Variants in BNC2 observed in about 807,000 individuals in gnomAD.
BNC2 encodes basonuclin zinc finger protein 2.
In BNC2, 20 loss-of-function variants were observed where a neutral mutation model predicts 76.3. The ratio of observed to expected loss-of-function variants is 0.26; its 90% CI spans 0.18 to 0.38. The LOEUF is 0.38. Ranked by LOEUF, BNC2 falls within the 10% of genes least tolerant of loss-of-function variation. The pLI, the probability that BNC2 is intolerant of heterozygous loss-of-function variation, is 1.00. For missense variants in BNC2, 1,382 were observed against 1,399.8 expected (o/e 0.99, Z 0.20); for synonymous variants, 582 against 514.8 (o/e 1.13, Z -1.77).
chr9:16,797,439 CA>C (rs1397312207), intron 1 of BNC2, among the ~76,000 whole-genome samples: 1 of 152,160 alleles, frequency 6.6e-6, no homozygotes, highest in Non-Finnish European at 1.5e-5. Flanking sequence ...CATCACTAAA[CA>C]ATCATGCCAG....
intron 4 of BNC2, among the ~76,000 whole-genome samples, chr9:16,564,058 G>A (rs376269826): frequency 5.9e-5 from 9 of 152,210 alleles, no homozygotes; most frequent in African/African-American, 2.2e-4. Flanking sequence ...AATGTTATTT[G>A]GGGGAAAAGG....
chr9:16,430,094 G>T (rs553674598), intron 6 of BNC2: 6 of 453,842 alleles, frequency 1.3e-5, no homozygotes, highest in South Asian at 7.8e-5. Flanking sequence ...ACTCAGGAGG[G>T]GGATGTATTT....
intron 1 of BNC2, among the ~76,000 whole-genome samples, chr9:16,854,063 C>G (rs972530720): frequency 1.3e-5 from 2 of 152,188 alleles, no homozygotes; most frequent in Non-Finnish European, 2.9e-5. Context: ...AGGCTGCTCC[C>G]TGGACCACCA....
At chr9:16,428,456 G>A (rs897298789) in intron 6 of BNC2, among the ~76,000 whole-genome samples, 2 of 152,192 alleles carry the variant, frequency 1.3e-5, no homozygotes, top group Non-Finnish European at 2.9e-5. Flanking sequence ...TTTCCGAGAT[G>A]TAGATGTCTA....
Position 16,456,777 on chromosome 9 carries a change from G to T in BNC2, c.670-19253C>A, listed in dbSNP as rs573880205. Among the ~76,000 whole-genome samples, 7 of 152,274 alleles carry T rather than the reference G, an allele frequency of 4.6e-5. 1 individual carries two copies. Among genetic ancestry groups the T allele is most frequent in the Admixed American group, 4.6e-4 (7 of 15,296 alleles). On this transcript the variant is annotated intron_variant, in intron 5 of 6. Coordinates refer to ENST00000380672, the MANE Select transcript of BNC2 (RefSeq NM_017637.6). ...ATTATCTGTCGGTAGGGTAGGGAAA[G>T]ACATATTCTAGATAAATATCCAAGA...
intron 3 of BNC2, among the ~76,000 whole-genome samples, chr9:16,717,927 CTG>C (rs1218844443): frequency 6.6e-6 from 1 of 152,150 alleles, no homozygotes; most frequent in Non-Finnish European, 1.5e-5. Flanking sequence ...TTTAAAATAA[CTG>C]TTTACACAAG....
intron 4 of BNC2, among the ~76,000 whole-genome samples, chr9:16,560,067 G>T (rs1818962753): frequency 1.3e-5 from 2 of 152,226 alleles, no homozygotes; most frequent in African/African-American, 4.8e-5. Flanking sequence ...CTCACTCATT[G>T]TGTGCATCAG....
chr9:16,721,976 A>G (rs530640663), intron 3 of BNC2, among the ~76,000 whole-genome samples: 36 of 152,210 alleles, frequency 2.4e-4, no homozygotes, highest in Non-Finnish European at 4.6e-4. Context: ...CAGAATCATT[A>G]GCTATTCACG....
intron 3 of BNC2, among the ~76,000 whole-genome samples, chr9:16,669,075 C>T (rs1016136811): frequency 3.3e-5 from 5 of 152,096 alleles, no homozygotes; most frequent in Non-Finnish European, 5.9e-5. Flanking sequence ...ATAATACCCA[C>T]TTTGGGGACT....
At chr9:16,666,193 A>G (rs1822284220) in intron 3 of BNC2, among the ~76,000 whole-genome samples, 1 of 151,824 alleles carries the variant, frequency 6.6e-6, no homozygotes, top group South Asian at 2.1e-4. Flanking sequence ...TTTTTTTTCT[A>G]TGAAGAGCTA....
chr9:16,522,481 G>A (rs146689487), intron 5 of BNC2, among the ~76,000 whole-genome samples: 2 of 152,248 alleles, frequency 1.3e-5, no homozygotes, highest in East Asian at 3.9e-4. Context: ...GAAGGTGCTG[G>A]CAAGCGACTA....
At position 16,738,547 on chromosome 9, in the gene BNC2, G is replaced by A. The variant is rs1420501580; in HGVS notation, c.4-62C>T. 5 of 1,488,196 alleles carry A rather than the reference G, an allele frequency of 3.4e-6. No homozygotes were observed. The East Asian group carries it at 7.3e-5, about 22-fold the overall frequency. 92.2% of individuals were successfully genotyped at this position (1,488,196 alleles called of 1,614,324 possible). A position where few individuals can be genotyped will look rare whatever the true frequency, so the allele number is the denominator to read the frequency against. ...AGACAGTATTACTTAAAAGCATTGA[G>A]TACATCAAAACTTTAAGAAATTGCA... On this transcript the variant is annotated intron_variant, in intron 1 of 6. Transcript: ENST00000380672.
At chr9:16,511,924 A>T (rs959533599) in intron 5 of BNC2, among the ~76,000 whole-genome samples, 4 of 152,198 alleles carry the variant, frequency 2.6e-5, no homozygotes, top group African/African-American at 9.6e-5. Flanking sequence ...CATTCATTTA[A>T]AATTCCATCA....
intron 3 of BNC2, among the ~76,000 whole-genome samples, chr9:16,674,853 T>G (rs1822590353): frequency 6.6e-6 from 1 of 152,204 alleles, no homozygotes; most frequent in East Asian, 1.9e-4. Context: ...AGATTTACAC[T>G]TTTATGTTCT....
At chr9:16,490,521 TTAG>T (rs1463702081) in intron 5 of BNC2, among the ~76,000 whole-genome samples, 2 of 152,182 alleles carry the variant, frequency 1.3e-5, no homozygotes, top group African/African-American at 4.8e-5. Context: ...CACACCTTTA[TTAG>T]TAGAAATTTT....
chr9:16,840,126 C>T (rs1337694600), intron 1 of BNC2, among the ~76,000 whole-genome samples: 1 of 148,450 alleles, frequency 6.7e-6, no homozygotes, highest in African/African-American at 2.5e-5. Context: ...TTACAAAGAT[C>T]AAACAGGCAG....
chr9:16,451,206 A>G, intron 5 of BNC2, among the ~76,000 whole-genome samples: 1 of 152,192 alleles, frequency 6.6e-6, no homozygotes, highest in East Asian at 1.9e-4. Flanking sequence ...GAAGGTAAGC[A>G]CCAACAGGAT....
chr9:16,659,370 G>A lies in BNC2; in HGVS notation c.330+68427C>T, dbSNP rs10962524. ...CTCACGCGTAATCACAGCACTTTGG[G>A]GGGCCGAGGTGGGCAGATCAGGAGG... On this transcript the variant is annotated intron_variant, in intron 3 of 6. Coordinates refer to ENST00000380672, the MANE Select transcript of BNC2 (RefSeq NM_017637.6). 0.018 allele frequency among the ~76,000 whole-genome samples: 2,748 copies of A among 152,170 alleles called. 174 individuals carry two copies. In the East Asian group the frequency reaches 0.24, roughly 13 times the overall value.
At chr9:16,633,262 C>G (rs1332150709) in intron 3 of BNC2, among the ~76,000 whole-genome samples, 1 of 152,118 alleles carries the variant, frequency 6.6e-6, no homozygotes, top group African/African-American at 2.4e-5. Flanking sequence ...TACCAAAGAA[C>G]AAAATGGGGA....
Sources: allele counts gnomAD v4.1 joint callset (sites outside exome capture counted in the v4.1 genomes callset), GRCh38; gene constraint gnomAD v4.1.1; transcripts MANE v1.5; gene names NCBI Gene and HGNC (gene_info 2026-07-23, HGNC 2026-07-21).